RIN2: variants seen among roughly 807,000 people sequenced by gnomAD.
RIN2 encodes Ras and Rab interactor 2, also known as RAB5 interacting protein 2.
In RIN2, 36 loss-of-function variants were observed where a neutral mutation model predicts 78.0. That is an observed-to-expected ratio of 0.46 (90% CI 0.35 to 0.61). The LOEUF (loss-of-function observed/expected upper bound fraction) is 0.61. Among genes scored for constraint, RIN2 ranks in the 20% least tolerant of loss-of-function variants. The probability of loss-of-function intolerance (pLI) is 0.00; values close to 1 mark genes in which losing one functional copy is unlikely to be tolerated. For missense variants in RIN2, 1,087 were observed against 1,159.7 expected (o/e 0.94, Z 0.91); for synonymous variants, 466 against 466.8 (o/e 1.00, Z 0.02).
At chr20:19,894,647 C>A (rs1318809961) in intron 3 of RIN2, among the ~76,000 whole-genome samples, 1 of 152,324 alleles carries the variant, frequency 6.6e-6, no homozygotes, top group Admixed American at 6.5e-5. Context: ...TCTTTCCTAT[C>A]CTATATCCAC....
intron 3 of RIN2, among the ~76,000 whole-genome samples, chr20:19,934,073 G>T (rs577710371): frequency 7.9e-5 from 12 of 152,272 alleles, no homozygotes; most frequent in African/African-American, 2.9e-4. Flanking sequence ...GCCTCCCAAA[G>T]TGCTGGGATT....
intron 3 of RIN2, among the ~76,000 whole-genome samples, chr20:19,908,790 C>T (rs1427390900): frequency 1.3e-5 from 2 of 152,172 alleles, no homozygotes; most frequent in East Asian, 1.9e-4. Context: ...GTGGAATATC[C>T]ACTATTTGGA....
intron 11 of RIN2, among the ~76,000 whole-genome samples, chr20:19,993,859 C>T (rs529201373): frequency 6.6e-5 from 10 of 152,200 alleles, no homozygotes; most frequent in African/African-American, 2.4e-4. Flanking sequence ...TTTCGAGCTT[C>T]GATCATGTTT....
At chr20:19,772,971 CAA>C (rs1227646083) in intron 1 of RIN2, among the ~76,000 whole-genome samples, 2 of 152,174 alleles carry the variant, frequency 1.3e-5, no homozygotes, top group African/African-American at 4.8e-5. Flanking sequence ...GTTGCTGTAA[CAA>C]AATACCACAA....
At chr20:19,783,230 C>T (rs1352531533) in intron 1 of RIN2, among the ~76,000 whole-genome samples, 5 of 152,172 alleles carry the variant, frequency 3.3e-5, no homozygotes, top group African/African-American at 7.2e-5. Flanking sequence ...TATATTCATA[C>T]GGTTTTCTCA....
intron 2 of RIN2, among the ~76,000 whole-genome samples, chr20:19,888,487 C>T (rs2038295999): frequency 6.6e-6 from 1 of 152,210 alleles, no homozygotes; most frequent in African/African-American, 2.4e-5. Flanking sequence ...CCTCAGTGAA[C>T]CTGCAGCAGC....
chr20:19,808,297 C>T (rs1472121471), intron 2 of RIN2, among the ~76,000 whole-genome samples: 1 of 152,202 alleles, frequency 6.6e-6, no homozygotes, highest in Non-Finnish European at 1.5e-5. Flanking sequence ...GCCTGGTCCC[C>T]AGCAGGGCCA....
intron 3 of RIN2, among the ~76,000 whole-genome samples, chr20:19,928,064 G>A (rs1008690798): frequency 8.6e-5 from 13 of 152,000 alleles, no homozygotes; most frequent in Admixed American, 3.9e-4. Flanking sequence ...CACCATGCCC[G>A]GCTAATTTTT....
intron 2 of RIN2, among the ~76,000 whole-genome samples, chr20:19,877,666 C>T (rs1341775806): frequency 6.6e-6 from 1 of 152,130 alleles, no homozygotes; most frequent in Non-Finnish European, 1.5e-5. Context: ...TAGGCCCACA[C>T]AGGACCGAAC....
chr20:19,867,974 G>C (rs2037560837), intron 2 of RIN2, among the ~76,000 whole-genome samples: 1 of 152,238 alleles, frequency 6.6e-6, no homozygotes, highest in African/African-American at 2.4e-5. Flanking sequence ...AGCCTGTTCT[G>C]TGGCTGGGGC....
intron 4 of RIN2, among the ~76,000 whole-genome samples, chr20:19,954,730 G>GC (rs66726110): frequency 6.6e-6 from 1 of 151,646 alleles, no homozygotes; most frequent in Non-Finnish European, 1.5e-5. Flanking sequence ...TCACCCCTGT[G>GC]CCCCTCACCC....
At chr20:19,861,072 C>T (rs17373110) in intron 2 of RIN2, among the ~76,000 whole-genome samples, 13,967 of 152,188 alleles carry the variant, frequency 0.092, 731 homozygotes, top group Non-Finnish European at 0.12. Context: ...TTAACAGTTC[C>T]CCTTATGACT....
chr20:19,991,719 A>G (rs1300605837), intron 10 of RIN2, among the ~76,000 whole-genome samples: 1 of 152,270 alleles, frequency 6.6e-6, no homozygotes, highest in East Asian at 1.9e-4. Flanking sequence ...AATACAGAGC[A>G]AAGTTAGCTT....
rs190905326 is a variant in RIN2, at chr20:19,925,379, T to A, written c.58-9720T>A. Among the ~76,000 whole-genome samples the A allele has an allele frequency of 4.6e-5, 7 of 152,360 alleles. No individual in the cohort carries two copies. In the East Asian group the frequency reaches 1.3e-3, roughly 29 times the overall value. The stretch of plus-strand genomic sequence containing the variant: ...TAGCAGAAAATAAAGGAGACTTTAT[T>A]ACTTCAAGATGAGGAACTTCTTTCT... On this transcript the variant is annotated intron_variant, in intron 3 of 12. Transcript: ENST00000255006.
At chr20:19,985,603 G>T (rs1279811340) in intron 9 of RIN2, among the ~76,000 whole-genome samples, 1 of 152,208 alleles carries the variant, frequency 6.6e-6, no homozygotes, top group Non-Finnish European at 1.5e-5. Flanking sequence ...TGGGCATGGT[G>T]TCTTATGCCT....
In RIN2 at chr20:19,960,740, T is replaced by C. The variant is rs746834973; in HGVS notation, c.392T>C (p.Val131Ala). 6.2e-7 allele frequency: 1 copy of C among 1,604,774 alleles called. No individual in the cohort carries two copies. Among genetic ancestry groups the C allele is most frequent in the East Asian group, 2.2e-5 (1 of 44,674 alleles). ...AAATCTACCAAGATGCAGAAGAAAG[T>C]CCTCTCCCTCCGCCTGCCCTGTGAA... ...VHKSTKMQKKVLSLRLPCEFG... is the reference protein window; with the variant it reads ...VHKSTKMQKKALSLRLPCEFG... Residue 131 changes from valine (V) to alanine (A), a missense_variant, in exon 6 of 13, where the codon GTC (valine) becomes GCC (alanine). Physicochemically the swap from Val to Ala is moderately conservative, Grantham distance 64 (BLOSUM62 0). This residue lies in a region of RIN2 where 706 missense variants were observed against 667.5 expected (regional missense o/e 1.06). Coordinates refer to ENST00000255006, the MANE Select transcript of RIN2 (RefSeq NM_018993.4).
chr20:19,958,175 C>G (rs1048092793), intron 5 of RIN2, among the ~76,000 whole-genome samples: 2 of 152,210 alleles, frequency 1.3e-5, no homozygotes, highest in Non-Finnish European at 2.9e-5. Context: ...ACTAAGACGT[C>G]TGCTAGAACA....
intron 12 of RIN2, 109 bp downstream of exon 12, chr20:19,996,951 G>C: frequency 8.5e-7 from 1 of 1,175,114 alleles, no homozygotes; most frequent in Non-Finnish European, 1.2e-6. Context: ...TATTTGGCAG[G>C]AAAGGGATAT....
chr20:19,945,451 T>C (rs1167120944), intron 4 of RIN2, among the ~76,000 whole-genome samples: 1 of 152,168 alleles, frequency 6.6e-6, no homozygotes, highest in Non-Finnish European at 1.5e-5. Context: ...TGCACCTGCC[T>C]TTATCCAAGA....
Sources: allele counts gnomAD v4.1 joint callset (sites outside exome capture counted in the v4.1 genomes callset), GRCh38; gene constraint gnomAD v4.1.1; regional missense constraint gnomAD v4.1.1; transcripts MANE v1.5; gene names NCBI Gene and HGNC (gene_info 2026-07-23, HGNC 2026-07-21).